The following SLC24A4 variants were observed in gnomAD, a reference collection of about 807,000 sequenced individuals.
The protein encoded by SLC24A4 is solute carrier family 24 member 4, also known as sodium/potassium/calcium exchanger 4.
In SLC24A4, 53 loss-of-function variants were observed where a neutral mutation model predicts 79.0. That is an observed-to-expected ratio of 0.67 (90% confidence interval 0.54 to 0.84). SLC24A4 has a LOEUF of 0.84. Among genes scored for constraint, SLC24A4 ranks in the 40% least tolerant of loss-of-function variants. The pLI is 0.00. For synonymous variants in SLC24A4, 323 were observed against 323.8 expected (o/e 1.00, Z 0.03); for missense variants, 731 against 822.0 (o/e 0.89, Z 1.35).
intron 3 of SLC24A4, among the ~76,000 whole-genome samples, chr14:92,438,673 G>A (rs1037355536): frequency 6.8e-6 from 1 of 146,688 alleles, no homozygotes; most frequent in South Asian, 2.2e-4. Flanking sequence ...GGGGGAAGGG[G>A]TGCAGCGCTT....
chr14:92,420,508 A>G (rs1891219470), intron 2 of SLC24A4, among the ~76,000 whole-genome samples: 1 of 152,172 alleles, frequency 6.6e-6, no homozygotes. Context: ...TTTTAAGTAT[A>G]TACTACTTTG....
At chr14:92,324,432 A>G (rs1265091908) in intron 1 of SLC24A4, among the ~76,000 whole-genome samples, 1 of 152,202 alleles carries the variant, frequency 6.6e-6, no homozygotes, top group Non-Finnish European at 1.5e-5. Flanking sequence ...CCAAACCCTA[A>G]AGGCGTTGGG....
intron 9 of SLC24A4, among the ~76,000 whole-genome samples, chr14:92,448,077 C>T (rs1461515093): frequency 6.6e-6 from 1 of 152,146 alleles, no homozygotes; most frequent in African/African-American, 2.4e-5. Context: ...AAAAGGACAA[C>T]TATTGTCTGA....
chr14:92,469,457 C>T (rs952324172), intron 12 of SLC24A4, among the ~76,000 whole-genome samples: 5 of 151,312 alleles, frequency 3.3e-5, no homozygotes, highest in African/African-American at 9.7e-5. Flanking sequence ...CGCAGTGAGC[C>T]GAGATCGCGC....
intron 2 of SLC24A4, among the ~76,000 whole-genome samples, chr14:92,372,340 G>A (rs1371635079): frequency 6.6e-6 from 1 of 152,176 alleles, no homozygotes; most frequent in Non-Finnish European, 1.5e-5. Flanking sequence ...GGGTGTGGGA[G>A]TCCATGGCGT....
At chr14:92,455,232 T>C (rs1413605110) in intron 11 of SLC24A4, among the ~76,000 whole-genome samples, 1 of 152,190 alleles carries the variant, frequency 6.6e-6, no homozygotes, top group Non-Finnish European at 1.5e-5. Context: ...GTGAGGGTAT[T>C]GAACAGGATG....
chr14:92,375,368 TG>T (rs1270845077), intron 2 of SLC24A4, among the ~76,000 whole-genome samples: 2 of 152,174 alleles, frequency 1.3e-5, no homozygotes, highest in Non-Finnish European at 2.9e-5. Flanking sequence ...GAATGTAAAA[TG>T]GCGCTCCTGT....
intron 2 of SLC24A4, among the ~76,000 whole-genome samples, chr14:92,347,637 A>T (rs1282430617): frequency 6.6e-6 from 1 of 152,214 alleles, no homozygotes; most frequent in Non-Finnish European, 1.5e-5. Flanking sequence ...GGTTATAAAA[A>T]TACTTTCAAG....
intron 2 of SLC24A4, among the ~76,000 whole-genome samples, chr14:92,406,144 T>A (rs1424700730): frequency 6.6e-6 from 1 of 152,208 alleles, no homozygotes. Context: ...AGTAGGGCAG[T>A]CATTAAATCT....
intron 2 of SLC24A4, among the ~76,000 whole-genome samples, chr14:92,414,121 A>G (rs145695426): frequency 1.6e-4 from 25 of 152,280 alleles, no homozygotes; most frequent in Non-Finnish European, 3.2e-4. Flanking sequence ...AGCAGCCATC[A>G]TTTTAACCAT....
chr14:92,470,682 A>G (rs922144610), intron 12 of SLC24A4, among the ~76,000 whole-genome samples: 1 of 152,144 alleles, frequency 6.6e-6, no homozygotes, highest in African/African-American at 2.4e-5. Flanking sequence ...ATTGCACCCA[A>G]CGAGATGGAA....
chr14:92,413,061 T>C (rs894492478), intron 2 of SLC24A4, among the ~76,000 whole-genome samples: 3 of 152,226 alleles, frequency 2.0e-5, no homozygotes, highest in African/African-American at 7.2e-5. Context: ...CGTTGAATAG[T>C]TGCGGCAGAG....
At chr14:92,471,573 C>T (rs7151890) in intron 12 of SLC24A4, among the ~76,000 whole-genome samples, 4,220 of 152,186 alleles carry the variant, frequency 0.028, 204 homozygotes, top group African/African-American at 0.096. Context: ...ATACACCCAA[C>T]CCAGGGCCTA....
At chr14:92,343,149 A>G (rs867991360) in intron 2 of SLC24A4, among the ~76,000 whole-genome samples, 2 of 152,194 alleles carry the variant, frequency 1.3e-5, no homozygotes, top group African/African-American at 4.8e-5. Flanking sequence ...ATATATGACA[A>G]TGTCAATATT....
chr14:92,488,438 A>G (rs1476277097), intron 14 of SLC24A4, among the ~76,000 whole-genome samples: 1 of 151,128 alleles, frequency 6.6e-6, no homozygotes, highest in African/African-American at 2.4e-5. Flanking sequence ...GTATGACCTT[A>G]CCTTAATTTG....
intron 2 of SLC24A4, among the ~76,000 whole-genome samples, chr14:92,332,103 A>AC (rs942473333): frequency 2.0e-5 from 3 of 151,264 alleles, no homozygotes; most frequent in Non-Finnish European, 4.4e-5. Context: ...ACATGCTGAA[A>AC]CCCCCCTCTC....
At chr14:92,336,809 C>T (rs1885833305) in intron 2 of SLC24A4, among the ~76,000 whole-genome samples, 3 of 151,934 alleles carry the variant, frequency 2.0e-5, no homozygotes, top group African/African-American at 4.8e-5. Context: ...GAGCAGACCA[C>T]GTCTGAGCCT....
chr14:92,373,305 A>T (rs1888311739), intron 2 of SLC24A4, among the ~76,000 whole-genome samples: 1 of 151,912 alleles, frequency 6.6e-6, no homozygotes, highest in Non-Finnish European at 1.5e-5. Flanking sequence ...CAGCCTCCCA[A>T]ACTGCTGGGA....
chr14:92,483,845 C>G, intron 13 of SLC24A4: 1 of 1,289,762 alleles, frequency 7.8e-7, no homozygotes, highest in Non-Finnish European at 1.0e-6. Flanking sequence ...CCTCCTAATG[C>G]CTGACACCAG....
Sources: gnomAD v4.1 joint callset for allele counts (sites outside exome capture counted in the v4.1 genomes callset) on GRCh38, gnomAD v4.1.1 for gene constraint, MANE v1.5 for transcripts, NCBI Gene and HGNC (gene_info 2026-07-23, HGNC 2026-07-21) for gene names.